CEP290: variants seen among roughly 807,000 people sequenced by gnomAD.
The protein encoded by CEP290 is centrosomal protein of 290 kDa.
In CEP290, 317 loss-of-function variants were observed where a neutral mutation model predicts 344.9. That is an observed-to-expected ratio of 0.92 (90% CI 0.84 to 1.01). CEP290 has a LOEUF of 1.01. Among genes scored for constraint, CEP290 ranks in the 50% least tolerant of loss-of-function variants. The pLI, the probability that CEP290 is intolerant of heterozygous loss-of-function variation, is 0.00. For synonymous variants in CEP290, 932 were observed against 895.8 expected (o/e 1.04, Z -0.72); for missense variants, 2,754 against 2,761.4 (o/e 1.00, Z 0.06).
At chr12:88,073,702 C>T (rs2035553797) in intron 41 of CEP290, among the ~76,000 whole-genome samples, 1 of 151,902 alleles carries the variant, frequency 6.6e-6, no homozygotes, top group African/African-American at 2.4e-5. Flanking sequence ...GAGGCCGAGG[C>T]AGGAAGATTG....
At chr12:88,100,843 G>GAGAA (rs1459662135) in intron 26 of CEP290, among the ~76,000 whole-genome samples, 3 of 152,176 alleles carry the variant, frequency 2.0e-5, no homozygotes, top group African/African-American at 7.2e-5. Flanking sequence ...AACTGGAAGA[G>GAGAA]AGAAATGGTT....
intron 5 of CEP290, among the ~76,000 whole-genome samples, chr12:88,138,094 C>T (rs1255691980): frequency 1.3e-5 from 2 of 152,164 alleles, no homozygotes; most frequent in Non-Finnish European, 2.9e-5. Context: ...ACATCAGATC[C>T]TTGTCCAACC....
chr12:88,141,454 A>G (rs1201031325), intron 1 of CEP290, 120 bp from the exon 2 acceptor site: 2 of 478,216 alleles, frequency 4.2e-6, no homozygotes, highest in African/African-American at 2.0e-5. Context: ...AAAACAGACA[A>G]TTGGGCCACA....
chr12:88,084,059 GA>G, intron 35 of CEP290, 105 bp from the exon 36 acceptor site: 1 of 713,286 alleles, frequency 1.4e-6, no homozygotes, highest in Non-Finnish European at 2.3e-6. Context: ...ATTCCTTTGA[GA>G]TGAGGAAGAA....
In CEP290 at chr12:88,141,224, T is replaced by C. The variant is rs867515145; in HGVS notation, c.84A>G (p.Leu28=). Residue 28 remains leucine (L), a synonymous_variant, in exon 2 of 54, where the codon TTA becomes TTG. Coordinates refer to ENST00000552810, the MANE Select transcript of CEP290 (RefSeq NM_025114.4). ...LPRQEELADN[L]LISLSKVEVN... ...TAAGCACCTTGGATAAGGAAATCAATAAATTATCTGCCAGTTCTTCTTGAC... is the reference window on the plus strand; with the variant it reads ...TAAGCACCTTGGATAAGGAAATCAACAAATTATCTGCCAGTTCTTCTTGAC... 1.9e-6 allele frequency: 3 copies of C among 1,609,374 alleles called. No individual in the cohort carries two copies. In the Middle Eastern group the frequency reaches 5.0e-4, roughly 266 times the overall value.
At chr12:88,071,578 G>T in intron 42 of CEP290, 129 bp from the exon 43 acceptor site, 2 of 891,046 alleles carry the variant, frequency 2.2e-6, no homozygotes, top group Non-Finnish European at 3.3e-6. Flanking sequence ...TTTACAACGA[G>T]ATCACAGGAA....
In CEP290 at chr12:88,106,858, T is replaced by C; in HGVS notation, c.2634A>G (p.Ile878Met). 1 of 1,607,950 alleles carries C rather than the reference T, an allele frequency of 6.2e-7. No individual in the cohort carries two copies. Among genetic ancestry groups the C allele is most frequent in the South Asian group, 1.1e-5 (1 of 90,112 alleles). The change falls in exon 25 of 54, where the codon ATA becomes ATG. Residue 878 changes from isoleucine (I) to methionine (M), a missense_variant. Coordinates refer to ENST00000552810, the MANE Select transcript of CEP290 (RefSeq NM_025114.4). ...LQMDSDEMKK[I>M]LAENSRKITV... Reference sequence around the variant, plus strand: ...TAATTTTCCTACTATTTTCTGCAAGTATTTTTTTCATTTCATCCGAATCCA... The same window carrying C: ...TAATTTTCCTACTATTTTCTGCAAGCATTTTTTTCATTTCATCCGAATCCA...
chr12:88,093,010 A>T (rs1304312223), intron 28 of CEP290, among the ~76,000 whole-genome samples, 178 bp from the exon 29 acceptor site: 2 of 152,150 alleles, frequency 1.3e-5, no homozygotes, highest in Non-Finnish European at 2.9e-5. Context: ...AATCAGAAAC[A>T]AACTATGGAA....
intron 25 of CEP290, chr12:88,103,658 C>G (rs2038065087): frequency 6.6e-6 from 1 of 151,912 alleles, no homozygotes. Flanking sequence ...GTATAATAGG[C>G]AAACATTACA....
At chr12:88,133,311 T>G (rs772857045) in intron 6 of CEP290, among the ~76,000 whole-genome samples, 2 of 152,056 alleles carry the variant, frequency 1.3e-5, no homozygotes, top group Non-Finnish European at 2.9e-5. Flanking sequence ...GGTCTTGAAC[T>G]CCTGACCTCA....
chr12:88,069,517 GAAA>G (rs1398741136), intron 43 of CEP290, among the ~76,000 whole-genome samples: 1 of 152,144 alleles, frequency 6.6e-6, no homozygotes, highest in Non-Finnish European at 1.5e-5. Flanking sequence ...ACATGGAGGG[GAAA>G]TATCCACTGC....
chr12:88,107,119 AAAG>A, intron 23 of CEP290, 21 bp from the exon 24 acceptor site: 2 of 1,367,618 alleles, frequency 1.5e-6, no homozygotes, highest in Non-Finnish European at 2.0e-6. Flanking sequence ...AACAAAACAA[AAAG>A]ACAATACTGT....
In CEP290 at chr12:88,083,847, C is replaced by A. The variant is rs369030385; in HGVS notation, c.4812G>T (p.Trp1604Cys). 2.2e-5 allele frequency: 34 copies of A among 1,551,724 alleles called. No individual in the cohort carries two copies. In the South Asian group the frequency reaches 4.0e-4, roughly 18 times the overall value. The part of the protein sequence containing the change: ...SSLNKFKQTA[W>C]DLMKQSPTPV... ...TGGAACAAAGTTCTTAGAATCTTAC[C>A]CAAGCCGTTTGTTTGAATTTATTTA... The change falls in exon 36 of 54, where the codon TGG becomes TGT. Residue 1604 changes from tryptophan (W) to cysteine (C), a missense_variant and splice_region_variant. Physicochemically the swap from Trp to Cys is radical, Grantham distance 215. Coordinates refer to ENST00000552810, the MANE Select transcript of CEP290 (RefSeq NM_025114.4).
chr12:88,085,254 C>A (rs965695868), intron 34 of CEP290, among the ~76,000 whole-genome samples: 8 of 151,962 alleles, frequency 5.3e-5, no homozygotes, highest in Non-Finnish European at 1.5e-5. Flanking sequence ...AAGTACAAAA[C>A]TGGAATTTTA....
At position 88,120,055 on chromosome 12, in the gene CEP290, TA is replaced by T. The variant is rs202232715; in HGVS notation, c.1522+58del. ...AAATAATAATAAACAAAATTTAAAT[TA>T]AAAAAAAAGACTTGTAAATCAGGTT... On this transcript the variant is annotated intron_variant, in intron 15 of 53. Transcript: ENST00000552810. The T allele has an allele frequency of 2.6e-3, 2,913 of 1,111,994 alleles. 29 individuals are homozygous for T. The African/African-American group carries it at 0.027, about 10-fold the overall frequency. 68.9% of individuals were successfully genotyped at this position (1,111,994 alleles called of 1,614,324 possible). A position where few individuals can be genotyped will look rare whatever the true frequency, so the allele number is the denominator to read the frequency against.
chr12:88,113,014 C>T (rs1261144110), intron 20 of CEP290, among the ~76,000 whole-genome samples: 1 of 152,042 alleles, frequency 6.6e-6, no homozygotes, highest in Non-Finnish European at 1.5e-5. Context: ...ATTGTCTGGT[C>T]TAAATTGTCA....
At chr12:88,106,126 A>G (rs556419994) in intron 25 of CEP290, among the ~76,000 whole-genome samples, 147 of 152,320 alleles carry the variant, frequency 9.7e-4, no homozygotes, top group African/African-American at 3.5e-3. Flanking sequence ...GAAGTGATGC[A>G]ATATAAAGTA....
intron 11 of CEP290, among the ~76,000 whole-genome samples, chr12:88,128,114 T>C (rs774271499): frequency 1.1e-4 from 17 of 152,128 alleles, no homozygotes; most frequent in Non-Finnish European, 2.2e-4. Context: ...TTACGTATTG[T>C]CAATGGCTGC....
rs1345613057 is a variant in CEP290, at chr12:88,107,071, AG to A, written c.2510del (p.Ser837LeufsTer4). On this transcript the variant is annotated frameshift_variant, in exon 24 of 54. Coordinates refer to ENST00000552810, the MANE Select transcript of CEP290 (RefSeq NM_025114.4). LOFTEE classifies it high-confidence loss of function. ...LSEKETWKTE[S>X]KTIKEEKRKL... ...TTCTCTTTTCCTCTTTTATTGTTTTAGATTCTGTTTTCCAGGTCTCCTTTTC... is the reference window on the plus strand; with the variant it reads ...TTCTCTTTTCCTCTTTTATTGTTTTAATTCTGTTTTCCAGGTCTCCTTTTC... The A allele has an allele frequency of 6.4e-7, 1 of 1,550,498 alleles. No homozygotes were observed. Among genetic ancestry groups the A allele is most frequent in the Admixed American group, 2.0e-5 (1 of 49,390 alleles).
Sources: gnomAD v4.1 joint callset for allele counts (sites outside exome capture counted in the v4.1 genomes callset) on GRCh38, gnomAD v4.1.1 for gene constraint, MANE v1.5 for transcripts, NCBI Gene and HGNC (gene_info 2026-07-23, HGNC 2026-07-21) for gene names.